LDLRAD4: variants seen among roughly 807,000 people sequenced by gnomAD.
LDLRAD4 encodes low-density lipoprotein receptor class A domain-containing protein 4.
LDLRAD4 carries 5 observed loss-of-function variants against 17.0 expected under a neutral mutation model. The observed-to-expected ratio is 0.29, with a 90% CI of 0.15 to 0.62. LDLRAD4 has a LOEUF of 0.62. Among genes scored for constraint, LDLRAD4 ranks in the 20% least tolerant of loss-of-function variants. LDLRAD4 has a pLI of 0.84. For synonymous variants in LDLRAD4, 168 were observed against 171.8 expected (o/e 0.98, Z 0.17); for missense variants, 340 against 424.7 (o/e 0.80, Z 1.75).
intron 2 of LDLRAD4, among the ~76,000 whole-genome samples, chr18:13,417,721 A>T (rs1300314698): frequency 6.6e-6 from 1 of 152,202 alleles, no homozygotes; most frequent in East Asian, 1.9e-4. Context: ...GGCGTGAGCC[A>T]CCACGCCCAG....
intron 3 of LDLRAD4, among the ~76,000 whole-genome samples, chr18:13,465,887 C>T (rs1298409893): frequency 3.9e-5 from 6 of 152,200 alleles, no homozygotes; most frequent in Non-Finnish European, 8.8e-5. Context: ...CCTCTTCATA[C>T]TCTCTCCCCC....
intron 3 of LDLRAD4, among the ~76,000 whole-genome samples, chr18:13,603,319 T>C (rs1371205194): frequency 6.6e-6 from 1 of 152,212 alleles, no homozygotes; most frequent in African/African-American, 2.4e-5. Context: ...GCTTCCCTGG[T>C]CTCAGAGAAG....
intron 2 of LDLRAD4, among the ~76,000 whole-genome samples, chr18:13,428,656 A>G (rs191310047): frequency 5.6e-4 from 85 of 152,112 alleles, no homozygotes; most frequent in Non-Finnish European, 1.1e-3. Flanking sequence ...GAGGAGGGTG[A>G]CTGTAGTGAG....
intron 3 of LDLRAD4, among the ~76,000 whole-genome samples, chr18:13,603,188 A>C (rs1328425141): frequency 6.6e-6 from 1 of 152,158 alleles, no homozygotes; most frequent in Non-Finnish European, 1.5e-5. Context: ...GGTTTACTTT[A>C]ACATAAAGGA....
At chr18:13,423,365 C>T (rs1242163367) in intron 2 of LDLRAD4, among the ~76,000 whole-genome samples, 1 of 151,824 alleles carries the variant, frequency 6.6e-6, no homozygotes, top group East Asian at 1.9e-4. Context: ...TGGTGGCGGG[C>T]TCCTGTAATC....
At chr18:13,412,796 C>T (rs964059725) in intron 2 of LDLRAD4, among the ~76,000 whole-genome samples, 18 of 152,166 alleles carry the variant, frequency 1.2e-4, no homozygotes, top group African/African-American at 4.3e-4. Flanking sequence ...GTAGGCGCTC[C>T]GTAAGTGAAC....
chr18:13,294,635 G>A (rs1238255802), intron 1 of LDLRAD4, among the ~76,000 whole-genome samples: 1 of 152,148 alleles, frequency 6.6e-6, no homozygotes, highest in African/African-American at 2.4e-5. Flanking sequence ...CTTCACTGCT[G>A]CCTGGCCCAT....
rs527603308 is a variant in LDLRAD4, at chr18:13,535,137, T to C, written c.182-85980T>C. Among the ~76,000 whole-genome samples the C allele has an allele frequency of 3.8e-4, 58 of 152,372 alleles. 1 individual carries two copies. In the South Asian group the frequency reaches 0.012, roughly 32 times the overall value. ...CTATTAGAAATAATATTTCTGTGAATATTCACATAGAAGTCTTTGTGTGGG... is the reference window on the plus strand; with the variant it reads ...CTATTAGAAATAATATTTCTGTGAACATTCACATAGAAGTCTTTGTGTGGG... On this transcript the variant is annotated intron_variant, in intron 3 of 5. Coordinates refer to ENST00000359446, the Ensembl canonical transcript of LDLRAD4.
At chr18:13,352,468 A>G (rs1333676166) in intron 1 of LDLRAD4, among the ~76,000 whole-genome samples, 1 of 152,082 alleles carries the variant, frequency 6.6e-6, no homozygotes, top group Non-Finnish European at 1.5e-5. Flanking sequence ...CAATGTGCTG[A>G]TTATCTTACT....
intron 1 of LDLRAD4, among the ~76,000 whole-genome samples, chr18:13,283,261 A>G (rs1429083103): frequency 1.3e-5 from 2 of 152,128 alleles, no homozygotes; most frequent in Non-Finnish European, 2.9e-5. Flanking sequence ...GCCAGCTTGA[A>G]TTTCTCCTCA....
chr18:13,651,846 T>C (rs1371123788), exon 6 of LDLRAD4: 1 of 152,208 alleles, frequency 6.6e-6, no homozygotes, highest in African/African-American at 2.4e-5. Context: ...TTTGAAAATG[T>C]CAGATTCTAT....
intron 3 of LDLRAD4, among the ~76,000 whole-genome samples, chr18:13,617,964 A>C (rs1260943609): frequency 6.6e-6 from 1 of 152,210 alleles, no homozygotes; most frequent in Non-Finnish European, 1.5e-5. Context: ...GGGTCCAGAA[A>C]TGTCACTTTT....
chr18:13,650,101 G>A, exon 6 of LDLRAD4: 1 of 398,676 alleles, frequency 2.5e-6, no homozygotes, highest in Non-Finnish European at 4.4e-6. Flanking sequence ...AGATCACAGA[G>A]ATGTGAACAG....
At chr18:13,254,165 C>T (rs569261080) in intron 1 of LDLRAD4, among the ~76,000 whole-genome samples, 9 of 152,302 alleles carry the variant, frequency 5.9e-5, no homozygotes, top group South Asian at 2.1e-4. Context: ...TGAACACGGA[C>T]GGGCGGTGTC....
At chr18:13,597,289 A>G (rs1199328906) in intron 3 of LDLRAD4, among the ~76,000 whole-genome samples, 1 of 152,108 alleles carries the variant, frequency 6.6e-6, no homozygotes, top group Non-Finnish European at 1.5e-5. Flanking sequence ...TCAGTTGTTA[A>G]TCTTAATAGG....
rs2042771763 is a variant in LDLRAD4, at chr18:13,643,344, C to G, written c.337-15C>G. ...TTCTTGTTCCCCCCACTCTCCTCCCCTTCCCCTCCGCCAGGAAGGGTGCCT... is the reference window on the plus strand; with the variant it reads ...TTCTTGTTCCCCCCACTCTCCTCCCGTTCCCCTCCGCCAGGAAGGGTGCCT... On this transcript the variant is annotated splice_polypyrimidine_tract_variant and intron_variant, in intron 4 of 5. Coordinates refer to ENST00000359446, the Ensembl canonical transcript of LDLRAD4. 2 of 1,472,814 alleles carry G rather than the reference C, an allele frequency of 1.4e-6. No homozygotes were observed. Among genetic ancestry groups the G allele is most frequent in the Non-Finnish European group, 1.8e-6 (2 of 1,105,314 alleles). The allele number at this position is 1,472,814 out of a possible 1,614,324, so 91.2% of individuals were successfully genotyped here. A position where few individuals can be genotyped will look rare whatever the true frequency, so the allele number is the denominator to read the frequency against.
intron 3 of LDLRAD4, among the ~76,000 whole-genome samples, chr18:13,531,861 C>G (rs138924262): frequency 1.4e-3 from 208 of 152,236 alleles, no homozygotes; most frequent in Middle Eastern, 6.8e-3. Flanking sequence ...CGGCCATATG[C>G]AGGAGGCTGC....
intron 3 of LDLRAD4, among the ~76,000 whole-genome samples, chr18:13,451,902 G>A (rs3848469): frequency 1.3e-5 from 2 of 152,096 alleles, no homozygotes; most frequent in African/African-American, 4.8e-5. Context: ...TATGACTTTG[G>A]GGGTGGGGAG....
chr18:13,246,755 T>C (rs943650587), intron 1 of LDLRAD4, among the ~76,000 whole-genome samples: 1 of 152,194 alleles, frequency 6.6e-6, no homozygotes, highest in African/African-American at 2.4e-5. Context: ...TGTTGCGACA[T>C]TTAGCAGACC....
Sources: gnomAD v4.1 joint callset for allele counts (sites outside exome capture counted in the v4.1 genomes callset) on GRCh38, gnomAD v4.1.1 for gene constraint, MANE v1.5 for transcripts, NCBI Gene and HGNC (gene_info 2026-07-23, HGNC 2026-07-21) for gene names.